Variants in DENND4B observed in about 807,000 individuals in gnomAD.
The protein encoded by DENND4B is DENN domain containing 4B.
DENND4B carries 67 observed loss-of-function variants against 161.0 expected under a neutral mutation model. That is an observed-to-expected ratio of 0.42 (90% CI 0.34 to 0.51). The LOEUF (loss-of-function observed/expected upper bound fraction) is 0.51. Ranked by LOEUF, DENND4B falls within the 20% of genes least tolerant of loss-of-function variation. The probability of loss-of-function intolerance (pLI) is 0.08; values close to 1 mark genes in which losing one functional copy is unlikely to be tolerated. For synonymous variants in DENND4B, 753 were observed against 813.8 expected (o/e 0.93, Z 1.27); for missense variants, 1,481 against 1,968.0 (o/e 0.75, Z 4.68).
chr1:153,932,759 A>G lies in DENND4B; in HGVS notation c.3642T>C (p.Ser1214=). 6.2e-7 allele frequency: 1 copy of G among 1,614,036 alleles called. No homozygotes were observed. Among genetic ancestry groups the G allele is most frequent in the South Asian group, 1.1e-5 (1 of 91,082 alleles). ...CATCTTTGCTGCCACTGGCACCAGC[A>G]GATTTGGGGCTGGGGACACTGCAGG... The part of the protein sequence containing the change: ...DSRPSVPSPK[S]AGASGSKDAP... Residue 1214 remains serine, a synonymous_variant, in exon 23 of 28, where the codon TCT becomes TCC. Transcript: ENST00000361217. This position sits in a 1 kb window ranked among gnomAD's most constrained non-coding sequence, Gnocchi z 5.8.
At chr1:153,945,284 C>T in intron 1 of DENND4B, 1 of 711,214 alleles carries the variant, frequency 1.4e-6, no homozygotes, top group Non-Finnish European at 2.1e-6. Context: ...AGGTTACTTC[C>T]TGAAACAGTG....
At position 153,935,026 on chromosome 1, in the gene DENND4B, A is replaced by C. The variant is rs1161432310; in HGVS notation, c.2569-62T>G. 2.5e-6 allele frequency: 4 copies of C among 1,579,064 alleles called. No individual in the cohort carries two copies. The African/African-American group carries it at 4.1e-5, about 16-fold the overall frequency. The stretch of plus-strand genomic sequence containing the variant: ...GACACCCTAACCCTGCCTCATACCC[A>C]CTCCCTGTCTTGGAGCCCCAGGGAC... On this transcript the variant is annotated intron_variant, in intron 17 of 27. Transcript: ENST00000361217.
Position 153,936,742 on chromosome 1 carries a change from T to C in DENND4B, c.2239A>G (p.Lys747Glu). 6 of 1,587,540 alleles carry C rather than the reference T, an allele frequency of 3.8e-6. No individual in the cohort carries two copies. The highest frequency in any genetic ancestry group is 5.2e-6 in the Non-Finnish European group (6 of 1,163,606). The change falls in exon 16 of 28, where the codon AAA becomes GAA. Residue 747 changes from lysine to glutamate, a missense_variant. Lys to Glu is a moderately conservative substitution (Grantham distance 56). Coordinates refer to ENST00000361217, the MANE Select transcript of DENND4B (RefSeq NM_014856.3). This position sits in a 1 kb window ranked among gnomAD's most constrained non-coding sequence, Gnocchi z 4.1. ...TTCTGTGCCATCCGCTGTGCAACTT[T>C]CATCTCCTAGGTAGGACAGGGGACA... ...PAPRRTKQEM[K>E]VAQRMAQKSA... is the part of the protein sequence containing the mutation.
intron 13 of DENND4B, among the ~76,000 whole-genome samples, chr1:153,938,163 C>T (rs1215859869): frequency 6.6e-6 from 1 of 152,192 alleles, no homozygotes; most frequent in Non-Finnish European, 1.5e-5. Flanking sequence ...AATCCCAGCA[C>T]TTTGGGAGGC....
In DENND4B at chr1:153,938,365, C is replaced by T. The variant is rs191901549; in HGVS notation, c.1966-502G>A. The stretch of plus-strand genomic sequence containing the variant: ...TGGAGGTTGCAGTGAGCCGATATCG[C>T]GCCACTGCACTCCAGCCTGGGAGAC... On this transcript the variant is annotated intron_variant, in intron 13 of 27. Transcript: ENST00000361217. 3.3e-4 allele frequency among the ~76,000 whole-genome samples: 50 copies of T among 150,020 alleles called. No homozygotes were observed. The East Asian group carries it at 8.4e-3, about 25-fold the overall frequency.
rs1252875171 is a variant in DENND4B, at chr1:153,942,593, C to T, written c.603G>A (p.Val201=). 6.3e-7 allele frequency: 1 copy of T among 1,598,678 alleles called. No homozygotes were observed. Among genetic ancestry groups the T allele is most frequent in the Non-Finnish European group, 8.5e-7 (1 of 1,172,450 alleles). ...WGPAVYLCYK[V]GLAKANTLVY... Reference sequence around the variant, plus strand: ...CCAGCGTGTTGGCCTTCGCCAGGCCCACCTTATAGCACAGGTACACTGCTG... The same window carrying T: ...CCAGCGTGTTGGCCTTCGCCAGGCCTACCTTATAGCACAGGTACACTGCTG... Residue 201 remains valine (V), a synonymous_variant, in exon 4 of 28, where the codon GTG becomes GTA. Coordinates refer to ENST00000361217, the MANE Select transcript of DENND4B (RefSeq NM_014856.3). This position sits in a 1 kb window ranked among gnomAD's most constrained non-coding sequence, Gnocchi z 6.9.
At position 153,932,186 on chromosome 1, in the gene DENND4B, C is replaced by A; in HGVS notation, c.3996+18G>T. 6.2e-7 allele frequency: 1 copy of A among 1,605,322 alleles called. No individual in the cohort carries two copies. Among genetic ancestry groups the A allele is most frequent in the Non-Finnish European group, 8.5e-7 (1 of 1,173,940 alleles). ...GAGGGAGGCACTTAGGAAACAGGGG[C>A]CACATGGGGGCACTGACCTGGGAGT... On this transcript the variant is annotated intron_variant, in intron 24 of 27. Coordinates refer to ENST00000361217, the MANE Select transcript of DENND4B (RefSeq NM_014856.3). The surrounding 1 kb of genome is among the most constrained non-coding windows in gnomAD (Gnocchi z 5.8).
chr1:153,942,927 C>G lies in DENND4B; in HGVS notation c.521G>C (p.Gly174Ala). The G allele has an allele frequency of 6.2e-7, 1 of 1,611,920 alleles. No individual in the cohort carries two copies. ...CAGCCGGCAGTAAGTATGAGGAGTG[C>G]CCTCGCCCTTACTGGGCAGCACCAG... Reference protein sequence around the residue: ...LCLVLPSKGEGTPHTYCRLPR... With the variant: ...LCLVLPSKGEATPHTYCRLPR... The change falls in exon 3 of 28, where the codon GGC becomes GCC. Residue 174 changes from glycine to alanine, a missense_variant. By Grantham distance (60) the Gly-to-Ala change is moderately conservative (BLOSUM62 0). Transcript: ENST00000361217. The surrounding 1 kb of genome is among the most constrained non-coding windows in gnomAD (Gnocchi z 6.9).
Position 153,937,707 on chromosome 1 carries a change from G to A in DENND4B, c.2105+17C>T. On this transcript the variant is annotated intron_variant, in intron 14 of 27. Coordinates refer to ENST00000361217, the MANE Select transcript of DENND4B (RefSeq NM_014856.3). This position sits in a 1 kb window ranked among gnomAD's most constrained non-coding sequence, Gnocchi z 4.7. ...TCTATGGGACCCTGGAACATGTGAA[G>A]GCTAAGAGACTCTCACCAGTACTGG... is the stretch of plus-strand genomic sequence containing the variant. The A allele has an allele frequency of 6.2e-7, 1 of 1,614,054 alleles. No homozygotes were observed. The highest frequency in any genetic ancestry group is 1.1e-5 in the South Asian group (1 of 91,086).
At chr1:153,939,089 C>T (rs910783200) in intron 12 of DENND4B, 44 bp from the exon 13 acceptor site, 3 of 1,598,830 alleles carry the variant, frequency 1.9e-6, no homozygotes, top group Non-Finnish European at 2.6e-6. Context: ...GTGACCAGGG[C>T]TCTCCACCAC....
Position 153,939,062 on chromosome 1 carries a change from T to C in DENND4B, c.1820-17A>G, listed in dbSNP as rs1679521358. 1.2e-6 allele frequency: 2 copies of C among 1,610,478 alleles called. No homozygotes were observed. Among genetic ancestry groups the C allele is most frequent in the Non-Finnish European group, 1.7e-6 (2 of 1,178,596 alleles). ...TGAGGAAGCCTGAGGGGTATGAGAATGGGGCAGAGGAGGGGTGTGACCAGG... is the reference window on the plus strand; with the variant it reads ...TGAGGAAGCCTGAGGGGTATGAGAACGGGGCAGAGGAGGGGTGTGACCAGG... On this transcript the variant is annotated splice_polypyrimidine_tract_variant and intron_variant, in intron 12 of 27. Coordinates refer to ENST00000361217, the MANE Select transcript of DENND4B (RefSeq NM_014856.3).
chr1:153,939,502 C>CCAGTCCCCTCCG, intron 12 of DENND4B, 87 bp downstream of exon 12: 3 of 1,420,152 alleles, frequency 2.1e-6, no homozygotes. Context: ...GGAGTGGCTC[C>CCAGTCCCCTCCG]CAGTCCCCTC....
Position 153,942,238 on chromosome 1 carries a change from G to A in DENND4B, c.759C>T (p.Tyr253=). 1.9e-6 allele frequency: 3 copies of A among 1,613,958 alleles called. No individual in the cohort carries two copies. Among genetic ancestry groups the A allele is most frequent in the South Asian group, 2.2e-5 (2 of 91,080 alleles). The change falls in exon 5 of 28, where the codon TAC becomes TAT. Residue 253 remains tyrosine, a synonymous_variant. Coordinates refer to ENST00000361217, the MANE Select transcript of DENND4B (RefSeq NM_014856.3). This position sits in a 1 kb window ranked among gnomAD's most constrained non-coding sequence, Gnocchi z 6.9. ...TIECWPAQTK[Y]PVPVFSTFVL... is the part of the protein sequence containing the mutation. ...CAAAGGTGGAGAAGACGGGCACGGG[G>A]TACTTGGTCTGGGCAGGCCAGCACT...
chr1:153,933,438 A>G lies in DENND4B; in HGVS notation c.3330+45T>C. On this transcript the variant is annotated intron_variant, in intron 20 of 27. Transcript: ENST00000361217. The surrounding 1 kb of genome is among the most constrained non-coding windows in gnomAD (Gnocchi z 5.7). ...ATTCTTCCAGTCGTAGCCCCTCCCC[A>G]AGCCCACTAATGCTAAGGCATCTGG... 6.3e-7 allele frequency: 1 copy of G among 1,592,680 alleles called. No individual in the cohort carries two copies. The highest frequency in any genetic ancestry group is 8.5e-7 in the Non-Finnish European group (1 of 1,169,632).
rs781596651 is a variant in DENND4B at position 153,942,940 on chromosome 1, T to C, written c.508A>G (p.Ser170Gly). The stretch of plus-strand genomic sequence containing the variant: ...GTATGAGGAGTGCCCTCGCCCTTAC[T>C]GGGCAGCACCAGGCAGAGGTCAGTG... ...GITDLCLVLP[S>G]KGEGTPHTYC... is the part of the protein sequence containing the mutation. Residue 170 changes from serine (S) to glycine (G), a missense_variant, in exon 3 of 28, where the codon AGT becomes GGT. Physicochemically the swap from Ser to Gly is moderately conservative, Grantham distance 56. This residue lies in a region of DENND4B where 806 missense variants were observed against 1,134.4 expected (regional missense o/e 0.71). Coordinates refer to ENST00000361217, the MANE Select transcript of DENND4B (RefSeq NM_014856.3). The surrounding 1 kb of genome is among the most constrained non-coding windows in gnomAD (Gnocchi z 6.9). The C allele has an allele frequency of 3.7e-6, 6 of 1,613,160 alleles. No homozygotes were observed. Among genetic ancestry groups the C allele is most frequent in the Non-Finnish European group, 5.1e-6 (6 of 1,179,276 alleles).
Position 153,940,409 on chromosome 1 carries a change from C to G in DENND4B, c.1502+22G>C. The stretch of plus-strand genomic sequence containing the variant: ...TTCCTGCCCACCACCCTGCAGCCCC[C>G]AAATGAGACCCAGCCTCTTACTGGA... On this transcript the variant is annotated intron_variant, in intron 10 of 27. Coordinates refer to ENST00000361217, the MANE Select transcript of DENND4B (RefSeq NM_014856.3). The surrounding 1 kb of genome is among the most constrained non-coding windows in gnomAD (Gnocchi z 5.6). The G allele has an allele frequency of 6.2e-7, 1 of 1,608,174 alleles. No individual in the cohort carries two copies. The highest frequency in any genetic ancestry group is 8.5e-7 in the Non-Finnish European group (1 of 1,177,110).
chr1:153,939,458 A>C lies in DENND4B; in HGVS notation c.1819+131T>G. On this transcript the variant is annotated intron_variant, in intron 12 of 27. Coordinates refer to ENST00000361217, the MANE Select transcript of DENND4B (RefSeq NM_014856.3). ...GTTAAATGGCTCAAAGCGGGTGCCC[A>C]TAAAAACATTTGCCTAGTGAAGGAA... 3.8e-6 allele frequency: 4 copies of C among 1,052,766 alleles called. No homozygotes were observed. The South Asian group carries it at 4.8e-5, about 13-fold the overall frequency. The allele number at this position is 1,052,766 out of a possible 1,614,324, so 65.2% of individuals were successfully genotyped here.
Position 153,930,183 on chromosome 1 carries a change from G to T in DENND4B, c.*114C>A. Reference sequence around the variant, plus strand: ...GTCCTCGCTTGGAGCCTTTGACTGGGCATCCTTCCCAGCCTGTTCCCAACT... The same window carrying T: ...GTCCTCGCTTGGAGCCTTTGACTGGTCATCCTTCCCAGCCTGTTCCCAACT... On this transcript the variant is annotated 3_prime_UTR_variant, in exon 28 of 28. Coordinates refer to ENST00000361217, the MANE Select transcript of DENND4B (RefSeq NM_014856.3). This position sits in a 1 kb window ranked among gnomAD's most constrained non-coding sequence, Gnocchi z 4.7. The T allele has an allele frequency of 7.4e-7, 1 of 1,352,408 alleles. No individual in the cohort carries two copies. The highest frequency in any genetic ancestry group is 9.9e-7 in the Non-Finnish European group (1 of 1,012,704). 83.8% of individuals were successfully genotyped at this position (1,352,408 alleles called of 1,614,324 possible).
chr1:153,941,701 TCAG>T (rs1679679633), intron 6 of DENND4B, among the ~76,000 whole-genome samples, 165 bp downstream of exon 6: 1 of 152,096 alleles, frequency 6.6e-6, no homozygotes, highest in African/African-American at 2.4e-5. Flanking sequence ...GCTCCCCTCC[TCAG>T]CCCGTGGCGT....
Sources: allele counts gnomAD v4.1 joint callset (sites outside exome capture counted in the v4.1 genomes callset), GRCh38; gene constraint gnomAD v4.1.1; regional missense constraint gnomAD v4.1.1; non-coding constraint Gnocchi (gnomAD v3.1); transcripts MANE v1.5; gene names NCBI Gene and HGNC (gene_info 2026-07-23, HGNC 2026-07-21).